Variants in ASH1L observed in about 807,000 individuals in gnomAD.
ASH1L encodes histone-lysine N-methyltransferase ASH1L.
In ASH1L, 23 loss-of-function variants were observed where a neutral mutation model predicts 269.0. The observed-to-expected ratio is 0.09, with a 90% CI of 0.06 to 0.12. The LOEUF (loss-of-function observed/expected upper bound fraction) is 0.12, where lower values mean the gene tolerates loss of function less well. Ranked by LOEUF, ASH1L falls within the 10% of genes least tolerant of loss-of-function variation. The pLI is 1.00. For synonymous variants in ASH1L, 1,187 were observed against 1,253.5 expected (o/e 0.95, Z 1.12); for missense variants, 2,912 against 3,567.8 (o/e 0.82, Z 4.68).
chr1:155,557,236 C>G (rs955741366), intron 1 of ASH1L, among the ~76,000 whole-genome samples: 4 of 151,920 alleles, frequency 2.6e-5, no homozygotes, highest in African/African-American at 9.7e-5. Flanking sequence ...GGTTAAATTT[C>G]TGTCATCACT....
At chr1:155,461,543 G>A (rs890968628) in intron 3 of ASH1L, among the ~76,000 whole-genome samples, 6 of 152,106 alleles carry the variant, frequency 3.9e-5, no homozygotes, top group Non-Finnish European at 5.9e-5. Flanking sequence ...AATCCTCCTC[G>A]AGTGTGGTTC....
chr1:155,502,277 G>A (rs1391871831), intron 2 of ASH1L, among the ~76,000 whole-genome samples: 1 of 151,682 alleles, frequency 6.6e-6, no homozygotes, highest in African/African-American at 2.4e-5. Flanking sequence ...TCACCATGTT[G>A]GCCAGGATAG....
At chr1:155,378,028 A>AAAAC (rs1558045407) in intron 10 of ASH1L, among the ~76,000 whole-genome samples, 3,027 of 151,924 alleles carry the variant, frequency 0.02, 99 homozygotes, top group African/African-American at 0.07. Context: ...GTCTCAAAAA[A>AAAAC]AAAACAAAAC....
intron 2 of ASH1L, among the ~76,000 whole-genome samples, chr1:155,495,635 A>AC (rs1175151774): frequency 6.6e-6 from 1 of 152,190 alleles, no homozygotes; most frequent in African/African-American, 2.4e-5. Context: ...ACTGTACACT[A>AC]CTGTTGACTT....
At chr1:155,425,277 G>GTT (rs550440576) in intron 5 of ASH1L, among the ~76,000 whole-genome samples, 31 of 129,258 alleles carry the variant, frequency 2.4e-4, no homozygotes, top group African/African-American at 3.1e-4. Context: ...GCCCGGCCTA[G>GTT]TTTTTTTTTT....
In ASH1L at chr1:155,529,877, CAA is replaced by C. The variant is rs555533145; in HGVS notation, c.-99-8261_-99-8260del. Among the ~76,000 whole-genome samples, 16 of 151,876 alleles carry C rather than the reference CAA, an allele frequency of 1.1e-4. No homozygotes were observed. In the East Asian group the frequency reaches 2.9e-3, roughly 28 times the overall value. On this transcript the variant is annotated intron_variant, in intron 1 of 27. Coordinates refer to ENST00000392403, the MANE Select transcript of ASH1L (RefSeq NM_018489.3). ...CTCACTTAGTTCCAAGAAGGAGGTA[CAA>C]AAGTTTCCCTTCTGGTGGAGATTGC... is the stretch of plus-strand genomic sequence containing the variant.
At chr1:155,436,670 T>C (rs1415480944) in intron 5 of ASH1L, among the ~76,000 whole-genome samples, 1 of 151,302 alleles carries the variant, frequency 6.6e-6, no homozygotes, top group Non-Finnish European at 1.5e-5. Flanking sequence ...CTAATTTTTC[T>C]ATTTTTAGTA....
At chr1:155,362,832 T>C (rs1256798370) in intron 12 of ASH1L, among the ~76,000 whole-genome samples, 1 of 152,202 alleles carries the variant, frequency 6.6e-6, no homozygotes, top group Admixed American at 6.5e-5. Context: ...CCCAGGCTGT[T>C]TGACTCAGCC....
At chr1:155,458,033 T>C (rs1338364209) in intron 4 of ASH1L, among the ~76,000 whole-genome samples, 2 of 152,342 alleles carry the variant, frequency 1.3e-5, no homozygotes, top group Non-Finnish European at 2.9e-5. Context: ...GCTTGAGGGC[T>C]ACACAAAAAC....
rs921600479 is a variant in ASH1L, at chr1:155,335,758, GTTT to G, written c.*1899_*1901del. ...TGCTTCTGTTCTCGCATTTTACAAA[GTTT>G]TTTTTTCTTTTTCATCTTTTTTAAA... On this transcript the variant is annotated 3_prime_UTR_variant, in exon 28 of 28. Transcript: ENST00000392403. 6.6e-6 allele frequency: 1 copy of G among 151,708 alleles called. No homozygotes were observed. The allele number at this position is 151,708 out of a possible 1,614,324, so 9.4% of individuals were successfully genotyped here.
chr1:155,393,598 A>G (rs1445586050), intron 7 of ASH1L, among the ~76,000 whole-genome samples: 1 of 149,548 alleles, frequency 6.7e-6, no homozygotes, highest in African/African-American at 2.5e-5. Flanking sequence ...TCTGTCGTCC[A>G]GGCTGGAGTG....
intron 5 of ASH1L, 25 bp downstream of exon 5, chr1:155,438,302 G>A: frequency 6.6e-7 from 1 of 1,522,802 alleles, no homozygotes; most frequent in Non-Finnish European, 8.8e-7. Context: ...CCTCTACTCA[G>A]ATAATATGTT....
chr1:155,343,851 G>T lies in ASH1L; in HGVS notation c.7982-109C>A. The T allele has an allele frequency of 7.9e-7, 1 of 1,262,186 alleles. No homozygotes were observed. The highest frequency in any genetic ancestry group is 1.1e-6 in the Non-Finnish European group (1 of 911,442). 78.2% of individuals were successfully genotyped at this position (1,262,186 alleles called of 1,614,324 possible). The stretch of plus-strand genomic sequence containing the variant: ...TACATAGAACTCATAATCTGAAACA[G>T]TATAAATACAGAGAGCTAAAAGCAG... On this transcript the variant is annotated intron_variant, in intron 22 of 27. Transcript: ENST00000392403. The surrounding 1 kb of genome is among the most constrained non-coding windows in gnomAD (Gnocchi z 6.1).
At chr1:155,550,024 C>CCT (rs1277336570) in intron 1 of ASH1L, among the ~76,000 whole-genome samples, 2 of 132,814 alleles carry the variant, frequency 1.5e-5, no homozygotes, top group African/African-American at 6.0e-5. Context: ...ATCACGATAG[C>CCT]CTCTTTTTTT....
chr1:155,432,332 T>C (rs1323960379), intron 5 of ASH1L, among the ~76,000 whole-genome samples: 2 of 152,220 alleles, frequency 1.3e-5, no homozygotes, highest in African/African-American at 4.8e-5. Context: ...TTCTATTATA[T>C]ACAGTACTCT....
At chr1:155,529,470 T>G (rs1669510708) in intron 1 of ASH1L, among the ~76,000 whole-genome samples, 1 of 152,192 alleles carries the variant, frequency 6.6e-6, no homozygotes, top group African/African-American at 2.4e-5. Flanking sequence ...CTCATGATTG[T>G]TGGCTGCATG....
intron 4 of ASH1L, among the ~76,000 whole-genome samples, chr1:155,453,930 G>A (rs1295526313): frequency 3.9e-5 from 6 of 152,078 alleles, no homozygotes; most frequent in East Asian, 1.9e-4. Flanking sequence ...GTGAAACCCC[G>A]TCTCTACTAA....
At chr1:155,399,191 T>C (rs1225425633) in intron 6 of ASH1L, among the ~76,000 whole-genome samples, 1 of 152,246 alleles carries the variant, frequency 6.6e-6, no homozygotes, top group Non-Finnish European at 1.5e-5. Context: ...AAGTCATAGA[T>C]ATTTTAGTAA....
intron 4 of ASH1L, among the ~76,000 whole-genome samples, chr1:155,448,518 C>T (rs1225132910): frequency 3.9e-5 from 6 of 152,142 alleles, no homozygotes; most frequent in East Asian, 3.9e-4. Context: ...TTTTTTGAGA[C>T]GGAGACTTGC....
Sources: allele counts gnomAD v4.1 joint callset (sites outside exome capture counted in the v4.1 genomes callset), GRCh38; gene constraint gnomAD v4.1.1; non-coding constraint Gnocchi (gnomAD v3.1); transcripts MANE v1.5; gene names NCBI Gene and HGNC (gene_info 2026-07-23, HGNC 2026-07-21).